DPYSL2: variants seen among roughly 807,000 people sequenced by gnomAD.
The protein encoded by DPYSL2 is dihydropyrimidinase like 2, also known as dihydropyrimidinase-related protein 2.
In DPYSL2, 13 loss-of-function variants were observed where a neutral mutation model predicts 69.9. The ratio of observed to expected loss-of-function variants is 0.19; its 90% CI spans 0.12 to 0.30. DPYSL2 has a LOEUF of 0.30. Among genes scored for constraint, DPYSL2 ranks in the 10% least tolerant of loss-of-function variants. The pLI is 1.00. For missense variants in DPYSL2, 587 were observed against 918.9 expected, an observed-to-expected ratio of 0.64 and a Z score of 4.67; for synonymous variants, 326 against 359.1, an observed-to-expected ratio of 0.91 and a Z score of 1.04.
chr8:26,620,315 G>C lies in DPYSL2; in HGVS notation c.629-3828G>C, dbSNP rs1168904567. Among the ~76,000 whole-genome samples the C allele has an allele frequency of 2.0e-5, 3 of 152,002 alleles. No individual in the cohort carries two copies. The highest frequency in any genetic ancestry group is 2.9e-5 in the Non-Finnish European group (2 of 68,008). ...TCTGTCACCCAAGCTGGAGTGCAGT[G>C]GTGCAATCTCAGCTCACTGCAACCT... On this transcript the variant is annotated intron_variant, in intron 3 of 13. Coordinates refer to ENST00000521913, the MANE Select transcript of DPYSL2 (RefSeq NM_001197293.3). The surrounding 1 kb of genome is among the most constrained non-coding windows in gnomAD (Gnocchi z 4.5).
At chr8:26,634,427 G>A (rs1411966600) in intron 7 of DPYSL2, among the ~76,000 whole-genome samples, 3 of 40,618 alleles carry the variant, frequency 7.4e-5, no homozygotes, top group Admixed American at 5.1e-4. Flanking sequence ...GCCATGCCCA[G>A]CTTTTTTTTT....
intron 1 of DPYSL2, among the ~76,000 whole-genome samples, chr8:26,521,666 C>T (rs540092893): frequency 1.3e-5 from 2 of 152,242 alleles, no homozygotes; most frequent in South Asian, 2.1e-4. Flanking sequence ...AGTCACTTTC[C>T]TTTTCCCATT....
At position 26,610,772 on chromosome 8, in the gene DPYSL2, A is replaced by G. The variant is rs1585544570; in HGVS notation, c.629-13371A>G. Reference sequence around the variant, plus strand: ...ACCAGGGATTATGTTCAGCAGGTTTATCTCCTCAAGGCACCCCTAAAGTAT... The same window carrying G: ...ACCAGGGATTATGTTCAGCAGGTTTGTCTCCTCAAGGCACCCCTAAAGTAT... On this transcript the variant is annotated intron_variant, in intron 3 of 13. Transcript: ENST00000521913. This position sits in a 1 kb window ranked among gnomAD's most constrained non-coding sequence, Gnocchi z 4.5. Among the ~76,000 whole-genome samples, 1 of 152,294 alleles carries G rather than the reference A, an allele frequency of 6.6e-6. No individual in the cohort carries two copies. The highest frequency in any genetic ancestry group is 1.9e-4 in the East Asian group (1 of 5,184).
rs1803183256 is a variant in DPYSL2, at chr8:26,647,089, T to G, written c.1426-541T>G. Among the ~76,000 whole-genome samples the G allele has an allele frequency of 6.6e-6, 1 of 152,172 alleles. No homozygotes were observed. Among genetic ancestry groups the G allele is most frequent in the Admixed American group, 6.5e-5 (1 of 15,280 alleles). On this transcript the variant is annotated intron_variant, in intron 10 of 13. Coordinates refer to ENST00000521913, the MANE Select transcript of DPYSL2 (RefSeq NM_001197293.3). The surrounding 1 kb of genome is among the most constrained non-coding windows in gnomAD (Gnocchi z 5.1). ...TTTCCTAAAGAGGGATTGCCACCCC[T>G]GCAAATTAAACGAATTTTTTTTTGT...
chr8:26,622,908 C>T (rs1360991106), intron 3 of DPYSL2, among the ~76,000 whole-genome samples: 1 of 152,182 alleles, frequency 6.6e-6, no homozygotes, highest in Non-Finnish European at 1.5e-5. Context: ...GAACTGCTTA[C>T]CTGTGTGTAG....
rs1801086436 is a variant in DPYSL2, at chr8:26,562,355, A to C, written c.355-19614A>C. ...CAATGCCTGGCCCAGTAATTGCTGC[A>C]AAAGTGGTAGCTGTTATTATTGCCT... On this transcript the variant is annotated intron_variant, in intron 1 of 13. Transcript: ENST00000521913. The surrounding 1 kb of genome is among the most constrained non-coding windows in gnomAD (Gnocchi z 4.9). Among the ~76,000 whole-genome samples the C allele has an allele frequency of 6.6e-6, 1 of 152,226 alleles. No individual in the cohort carries two copies. The highest frequency in any genetic ancestry group is 1.9e-4 in the East Asian group (1 of 5,196).
intron 8 of DPYSL2, chr8:26,638,094 G>C (rs572899157): frequency 6.6e-6 from 1 of 152,226 alleles, no homozygotes. Context: ...TCTGTGAATG[G>C]AGAGATTCTG....
Position 26,642,139 on chromosome 8 carries a change from A to G in DPYSL2, c.1127-1300A>G, listed in dbSNP as rs1049958975. ...TCAAATTCCAGCTTGGATGCCTTTA[A>G]TTAATAACATATTAGACCATTTAAT... On this transcript the variant is annotated intron_variant, in intron 8 of 13. Transcript: ENST00000521913. The surrounding 1 kb of genome is among the most constrained non-coding windows in gnomAD (Gnocchi z 5.3). Among the ~76,000 whole-genome samples, 1 of 152,232 alleles carries G rather than the reference A, an allele frequency of 6.6e-6. No individual in the cohort carries two copies. The highest frequency in any genetic ancestry group is 2.4e-5 in the African/African-American group (1 of 41,460).
rs1801124213 is a variant in DPYSL2, at chr8:26,564,818, A to G, written c.355-17151A>G. Among the ~76,000 whole-genome samples the G allele has an allele frequency of 6.6e-6, 1 of 152,086 alleles. No homozygotes were observed. Among genetic ancestry groups the G allele is most frequent in the South Asian group, 2.1e-4 (1 of 4,816 alleles). On this transcript the variant is annotated intron_variant, in intron 1 of 13. Transcript: ENST00000521913. The surrounding 1 kb of genome is among the most constrained non-coding windows in gnomAD (Gnocchi z 4.8). ...TGGGATACAAGTGGTTTTTGGTTAC[A>G]TAGATGAATTGTATAGTGGTGAAGT...
chr8:26,565,615 A>G lies in DPYSL2; in HGVS notation c.355-16354A>G, dbSNP rs968267952. ...GTATTTCACACAAATTTTAAATTCA[A>G]ACAGGATTAAGTTAGGAGTTGTGGT... On this transcript the variant is annotated intron_variant, in intron 1 of 13. Coordinates refer to ENST00000521913, the MANE Select transcript of DPYSL2 (RefSeq NM_001197293.3). The surrounding 1 kb of genome is among the most constrained non-coding windows in gnomAD (Gnocchi z 4.1). Among the ~76,000 whole-genome samples, 19 of 152,314 alleles carry G rather than the reference A, an allele frequency of 1.2e-4. No homozygotes were observed. Among genetic ancestry groups the G allele is most frequent in the African/African-American group, 3.8e-4 (16 of 41,570 alleles).
rs958002467 is a variant in DPYSL2 at position 26,516,017 on chromosome 8, T to C, written c.354+1338T>C. ...GATGATGGTTGGGGCATGATTTGAC[T>C]GTTTGCTGATGTGACATAGAGTTTT... On this transcript the variant is annotated intron_variant, in intron 1 of 13. Coordinates refer to ENST00000521913, the MANE Select transcript of DPYSL2 (RefSeq NM_001197293.3). This position sits in a 1 kb window ranked among gnomAD's most constrained non-coding sequence, Gnocchi z 4.8. Among the ~76,000 whole-genome samples, 2 of 152,234 alleles carry C rather than the reference T, an allele frequency of 1.3e-5. No individual in the cohort carries two copies. Among genetic ancestry groups the C allele is most frequent in the Non-Finnish European group, 2.9e-5 (2 of 68,030 alleles).
At chr8:26,578,596 G>A (rs2129718677) in intron 1 of DPYSL2, 2 of 1,272,426 alleles carry the variant, frequency 1.6e-6, no homozygotes, top group Non-Finnish European at 9.9e-7. Flanking sequence ...GTCGGCCCGC[G>A]GGGTGCAAGC....
chr8:26,528,162 G>A (rs1046760386), intron 1 of DPYSL2, among the ~76,000 whole-genome samples: 7 of 152,242 alleles, frequency 4.6e-5, no homozygotes, highest in Admixed American at 3.9e-4. Flanking sequence ...TGCTAGAACA[G>A]CACTGGTGAG....
intron 1 of DPYSL2, among the ~76,000 whole-genome samples, chr8:26,524,673 G>A (rs775665494): frequency 6.6e-5 from 10 of 151,740 alleles, no homozygotes; most frequent in Non-Finnish European, 1.5e-4. Context: ...ATGGTGGCGT[G>A]TGCCTGTAAT....
chr8:26,543,001 C>G (rs1800709893), intron 1 of DPYSL2, among the ~76,000 whole-genome samples: 1 of 152,124 alleles, frequency 6.6e-6, no homozygotes, highest in Non-Finnish European at 1.5e-5. Flanking sequence ...CCAGCTCAAT[C>G]TGTTAGAAAA....
intron 1 of DPYSL2, among the ~76,000 whole-genome samples, chr8:26,534,033 C>T (rs148135976): frequency 2.1e-4 from 32 of 152,196 alleles, no homozygotes; most frequent in African/African-American, 7.7e-4. Flanking sequence ...TGGTAGTGGG[C>T]TGTTAAGGAT....
chr8:26,577,115 G>A (rs1801364424), intron 1 of DPYSL2: 1 of 441,846 alleles, frequency 2.3e-6, no homozygotes, highest in African/African-American at 2.1e-5. Flanking sequence ...TTCCCCGGAT[G>A]CCTCCTTCCC....
chr8:26,636,823 C>A (rs1426701930), intron 8 of DPYSL2, among the ~76,000 whole-genome samples: 1 of 152,174 alleles, frequency 6.6e-6, no homozygotes. Context: ...TCACTGCAGT[C>A]TCCGCCTCCT....
intron 3 of DPYSL2, among the ~76,000 whole-genome samples, chr8:26,600,576 C>T (rs1801969405): frequency 6.6e-6 from 1 of 152,146 alleles, no homozygotes; most frequent in South Asian, 2.1e-4. Flanking sequence ...CCCCTAGTCA[C>T]ATTTATCTTG....
Sources: gnomAD v4.1 joint callset for allele counts (sites outside exome capture counted in the v4.1 genomes callset) on GRCh38, gnomAD v4.1.1 for gene constraint, Gnocchi (gnomAD v3.1) non-coding constraint, MANE v1.5 for transcripts, NCBI Gene and HGNC (gene_info 2026-07-23, HGNC 2026-07-21) for gene names.